The following CLEC16A variants were observed in gnomAD, a reference collection of about 807,000 sequenced individuals.
The protein encoded by CLEC16A is protein CLEC16A.
A neutral mutation model predicts 109.5 loss-of-function variants in CLEC16A; 51 were observed. The observed-to-expected ratio is 0.47, with a 90% CI of 0.37 to 0.59. The LOEUF is 0.59. CLEC16A is among the 20% of genes least tolerant of loss of function. The probability of loss-of-function intolerance (pLI) is 0.00; values close to 1 mark genes in which losing one functional copy is unlikely to be tolerated. For synonymous variants in CLEC16A, 673 were observed against 564.2 expected (o/e 1.19, Z -2.73); for missense variants, 1,339 against 1,394.0 (o/e 0.96, Z 0.63).
intron 23 of CLEC16A, among the ~76,000 whole-genome samples, chr16:11,173,513 A>G (rs952145883): frequency 6.6e-6 from 1 of 152,076 alleles, no homozygotes; most frequent in Non-Finnish European, 1.5e-5. Context: ...GGCACGGGTC[A>G]CCAAGTCGCT....
At chr16:11,155,630 T>C (rs1235547651) in intron 22 of CLEC16A, among the ~76,000 whole-genome samples, 1 of 152,280 alleles carries the variant, frequency 6.6e-6, no homozygotes, top group Non-Finnish European at 1.5e-5. Context: ...TCCCTGATTC[T>C]ATCTGACTCA....
intron 19 of CLEC16A, among the ~76,000 whole-genome samples, chr16:11,069,441 T>A (rs1272390808): frequency 6.6e-6 from 1 of 151,876 alleles, no homozygotes; most frequent in Non-Finnish European, 1.5e-5. Context: ...TTATTATTAC[T>A]ATTTTTTTTT....
intron 15 of CLEC16A, among the ~76,000 whole-genome samples, 182 bp downstream of exon 15, chr16:11,042,545 T>G (rs1257833909): frequency 6.6e-6 from 1 of 152,236 alleles, no homozygotes. Context: ...GGGACTTCCT[T>G]TCAGCCGAGA....
chr16:11,134,219 A>G (rs1178320955), intron 22 of CLEC16A, among the ~76,000 whole-genome samples: 6 of 149,526 alleles, frequency 4.0e-5, no homozygotes, highest in African/African-American at 1.5e-4. Context: ...GAAGGGCCTA[A>G]CAGCAGCCAC....
intron 19 of CLEC16A, among the ~76,000 whole-genome samples, chr16:11,079,645 C>T (rs1285260515): frequency 1.3e-5 from 2 of 152,126 alleles, no homozygotes; most frequent in African/African-American, 4.8e-5. Context: ...TTTTATAATA[C>T]ACTTTGCATT....
intron 22 of CLEC16A, among the ~76,000 whole-genome samples, chr16:11,133,964 CA>C (rs1428687421): frequency 6.6e-6 from 1 of 152,088 alleles, no homozygotes; most frequent in Non-Finnish European, 1.5e-5. Context: ...TTTTATAAAG[CA>C]AAATTTATTG....
intron 10 of CLEC16A, among the ~76,000 whole-genome samples, chr16:11,001,007 A>G (rs2152747726): frequency 6.6e-6 from 1 of 152,384 alleles, no homozygotes; most frequent in East Asian, 1.9e-4. Context: ...TGATAAGAGA[A>G]AAACACTTCA....
chr16:11,055,864 C>G (rs1329560153), intron 18 of CLEC16A, among the ~76,000 whole-genome samples: 1 of 152,098 alleles, frequency 6.6e-6, no homozygotes, highest in East Asian at 1.9e-4. Context: ...GCTGGGATTA[C>G]AGGCGTGAGC....
At chr16:10,947,409 G>C (rs2041444959) in intron 1 of CLEC16A, among the ~76,000 whole-genome samples, 2 of 152,210 alleles carry the variant, frequency 1.3e-5, no homozygotes, top group Non-Finnish European at 2.9e-5. Flanking sequence ...TAAGTGCTGA[G>C]ATCGCCATGG....
At chr16:11,045,251 G>A (rs1267075038) in intron 16 of CLEC16A, among the ~76,000 whole-genome samples, 1 of 152,176 alleles carries the variant, frequency 6.6e-6, no homozygotes, top group African/African-American at 2.4e-5. Flanking sequence ...GGGAGGCTGA[G>A]GTGGGAGGAT....
At chr16:10,975,231 A>G (rs1445123197) in intron 7 of CLEC16A, among the ~76,000 whole-genome samples, 1 of 152,170 alleles carries the variant, frequency 6.6e-6, no homozygotes, top group African/African-American at 2.4e-5. Flanking sequence ...AGGGAGGTCA[A>G]GGCAAGAGAA....
At chr16:10,994,247 G>A (rs188275823) in intron 10 of CLEC16A, among the ~76,000 whole-genome samples, 10 of 152,236 alleles carry the variant, frequency 6.6e-5, no homozygotes, top group East Asian at 1.9e-4. Flanking sequence ...TTTACATTTC[G>A]GCAGTGCCGT....
chr16:11,094,488 A>G (rs1697189656), intron 19 of CLEC16A, among the ~76,000 whole-genome samples: 1 of 152,222 alleles, frequency 6.6e-6, no homozygotes, highest in Non-Finnish European at 1.5e-5. Flanking sequence ...GAGGAGGGGC[A>G]GCTGAGAGCC....
chr16:10,971,308 A>G, intron 5 of CLEC16A, 78 bp downstream of exon 5: 1 of 1,061,844 alleles, frequency 9.4e-7, no homozygotes, highest in Non-Finnish European at 1.4e-6. Flanking sequence ...GTGTGCGTAC[A>G]GTTCTCCGAT....
chr16:11,007,259 G>T (rs1037779053), intron 11 of CLEC16A, among the ~76,000 whole-genome samples: 2 of 152,204 alleles, frequency 1.3e-5, no homozygotes, highest in Non-Finnish European at 2.9e-5. Context: ...CTTTGAACCT[G>T]CCAGGTTAGC....
chr16:11,140,268 C>T (rs968517708), intron 22 of CLEC16A, among the ~76,000 whole-genome samples: 1 of 152,184 alleles, frequency 6.6e-6, no homozygotes, highest in South Asian at 2.1e-4. Flanking sequence ...TCCTGGCTCA[C>T]GGATGTCCTG....
At chr16:11,070,575 C>G (rs916669259) in intron 19 of CLEC16A, 3 of 152,208 alleles carry the variant, frequency 2.0e-5, no homozygotes, top group African/African-American at 7.2e-5. Flanking sequence ...GTTTTGTCCC[C>G]TAGAGTTTAT....
At chr16:11,030,324 C>T (rs1221246603) in intron 13 of CLEC16A, among the ~76,000 whole-genome samples, 1 of 152,144 alleles carries the variant, frequency 6.6e-6, no homozygotes, top group Non-Finnish European at 1.5e-5. Flanking sequence ...TGTATGTTTG[C>T]TTTTATTTTA....
intron 22 of CLEC16A, among the ~76,000 whole-genome samples, chr16:11,132,587 A>G (rs28461348): frequency 0.042 from 6,370 of 152,206 alleles, 440 homozygotes; most frequent in African/African-American, 0.15. Context: ...CCTAGGAGTA[A>G]AAAGTAGGTC....
Sources: gnomAD v4.1 joint callset for allele counts (sites outside exome capture counted in the v4.1 genomes callset) on GRCh38, gnomAD v4.1.1 for gene constraint, MANE v1.5 for transcripts, NCBI Gene and HGNC (gene_info 2026-07-23, HGNC 2026-07-21) for gene names.